Variants in SNAP91 observed in about 807,000 individuals in gnomAD.
The protein encoded by SNAP91 is clathrin coat assembly protein AP180.
In SNAP91, 27 loss-of-function variants were observed where a neutral mutation model predicts 100.3. That is an observed-to-expected ratio of 0.27 (90% confidence interval 0.20 to 0.37). SNAP91 has a LOEUF of 0.37. Among genes scored for constraint, SNAP91 ranks in the 10% least tolerant of loss-of-function variants. SNAP91 has a pLI of 1.00. For missense variants in SNAP91, 986 were observed against 1,123.7 expected (o/e 0.88, Z 1.75); for synonymous variants, 404 against 398.6 (o/e 1.01, Z -0.16).
intron 2 of SNAP91, among the ~76,000 whole-genome samples, chr6:83,690,811 G>T (rs1330557905): frequency 4.0e-5 from 6 of 151,896 alleles, no homozygotes; most frequent in African/African-American, 1.4e-4. Flanking sequence ...GTGTAAGAAA[G>T]GCATATTTTT....
intron 25 of SNAP91, chr6:83,575,577 C>T: frequency 4.6e-6 from 1 of 216,372 alleles, no homozygotes; most frequent in Non-Finnish European, 8.9e-6. Context: ...CGTAAGACAC[C>T]ATCCACTGAA....
intron 25 of SNAP91, 173 bp from the exon 26 acceptor site, chr6:83,575,294 C>A: frequency 1.7e-6 from 1 of 587,284 alleles, no homozygotes; most frequent in Non-Finnish European, 2.9e-6. Context: ...CATGCTGTAA[C>A]TAAGAAAGCT....
chr6:83,611,554 C>T (rs558662550), intron 11 of SNAP91: 7 of 385,910 alleles, frequency 1.8e-5, no homozygotes, highest in Non-Finnish European at 3.6e-5. Flanking sequence ...ACTTTTTACT[C>T]ATCTACAGAG....
chr6:83,640,994 C>G (rs2097676108), intron 8 of SNAP91, 102 bp downstream of exon 8: 1 of 659,234 alleles, frequency 1.5e-6, no homozygotes, highest in Non-Finnish European at 2.4e-6. Flanking sequence ...ACTTCCAACC[C>G]TAATATACTG....
intron 2 of SNAP91, chr6:83,690,235 G>A (rs1424394736): frequency 3.1e-5 from 34 of 1,085,732 alleles, no homozygotes; most frequent in Non-Finnish European, 3.9e-5. Flanking sequence ...ATACTACTAT[G>A]ATGAACAAAT....
intron 16 of SNAP91, among the ~76,000 whole-genome samples, chr6:83,596,306 G>T (rs190706536): frequency 5.3e-5 from 8 of 152,240 alleles, no homozygotes; most frequent in Admixed American, 4.6e-4. Context: ...GATAGAGTAG[G>T]CCTACTTTCT....
intron 26 of SNAP91, 148 bp from the exon 27 acceptor site, chr6:83,561,095 T>C (rs1786769476): frequency 1.7e-6 from 1 of 586,726 alleles, no homozygotes; most frequent in Non-Finnish European, 2.9e-6. Context: ...CAGGCTGGAG[T>C]ACGATGGCAT....
chr6:83,703,137 T>A (rs1489220964), intron 2 of SNAP91, among the ~76,000 whole-genome samples: 1 of 151,152 alleles, frequency 6.6e-6, no homozygotes, highest in African/African-American at 2.4e-5. Flanking sequence ...TATGTTCTGG[T>A]ACAGTAAAGT....
chr6:83,593,578 A>T lies in SNAP91; in HGVS notation c.1596T>A (p.Ala532=). Residue 532 remains alanine, a synonymous_variant, in exon 18 of 30, where the codon GCT becomes GCA. Transcript: ENST00000369694. ...APSPAPAVAA[A]AAATTAATAA... ...CGGTGGCAGCAGTAGTGGCAGCAGCAGCAGCTGCAACGGCAGGAGCAGGAG... is the reference window on the plus strand; with the variant it reads ...CGGTGGCAGCAGTAGTGGCAGCAGCTGCAGCTGCAACGGCAGGAGCAGGAG... 1 of 1,557,950 alleles carries T rather than the reference A, an allele frequency of 6.4e-7. No homozygotes were observed. Among genetic ancestry groups the T allele is most frequent in the Non-Finnish European group, 8.7e-7 (1 of 1,149,166 alleles).
Position 83,658,553 on chromosome 6 carries a change from C to T in SNAP91, c.546+446G>A, listed in dbSNP as rs189334173. ...GAACCCAGGAGGCAGAGCTTGTGAG[C>T]GGAGATCGCGCCACTGCACTCCAGC... On this transcript the variant is annotated intron_variant, in intron 6 of 29. Coordinates refer to ENST00000369694, the MANE Select transcript of SNAP91 (RefSeq NM_001242792.2). Among the ~76,000 whole-genome samples the T allele has an allele frequency of 3.7e-3, 564 of 152,104 alleles. 5 individuals carry two copies. The highest frequency in any genetic ancestry group is 0.013 in the African/African-American group (530 of 41,478).
intron 3 of SNAP91, 96 bp downstream of exon 3, chr6:83,665,343 C>T: frequency 8.4e-6 from 10 of 1,193,936 alleles, no homozygotes; most frequent in African/African-American, 3.1e-5. Context: ...TCTTTTTCTC[C>T]TAATTAGTGA....
chr6:83,680,379 G>C (rs543672356), intron 2 of SNAP91, among the ~76,000 whole-genome samples: 1 of 152,128 alleles, frequency 6.6e-6, no homozygotes, highest in African/African-American at 2.4e-5. Flanking sequence ...CATTCAAGCA[G>C]TAGAAAAAAT....
At chr6:83,633,655 G>A (rs867267979) in intron 8 of SNAP91, among the ~76,000 whole-genome samples, 1 of 152,022 alleles carries the variant, frequency 6.6e-6, no homozygotes, top group East Asian at 1.9e-4. Context: ...TCAGGGAAGT[G>A]GGGGAAAGCC....
At chr6:83,682,940 A>G (rs1346948813) in intron 2 of SNAP91, among the ~76,000 whole-genome samples, 2 of 151,932 alleles carry the variant, frequency 1.3e-5, no homozygotes, top group Admixed American at 6.6e-5. Flanking sequence ...TTGGGACATC[A>G]TTATAACCAG....
chr6:83,591,317 C>T (rs780298228), intron 21 of SNAP91, 23 bp from the exon 22 acceptor site: 26 of 1,529,612 alleles, frequency 1.7e-5, no homozygotes, highest in African/African-American at 4.1e-5. Context: ...CATTGTGCAG[C>T]GGAAAAGTAA....
chr6:83,632,148 T>C (rs2128480129), intron 8 of SNAP91, among the ~76,000 whole-genome samples: 1 of 152,248 alleles, frequency 6.6e-6, no homozygotes, highest in East Asian at 1.9e-4. Flanking sequence ...CTGATAATTG[T>C]TTTATTTGAG....
At chr6:83,556,021 A>C in intron 29 of SNAP91, 122 bp downstream of exon 29, 1 of 436,876 alleles carries the variant, frequency 2.3e-6, no homozygotes, top group East Asian at 3.5e-5. Flanking sequence ...AAGTATAAAC[A>C]CTCAAATTAT....
chr6:83,559,242 G>C (rs1783460581), intron 28 of SNAP91, among the ~76,000 whole-genome samples: 1 of 152,168 alleles, frequency 6.6e-6, no homozygotes, highest in South Asian at 2.1e-4. Context: ...CTTCAGGGAG[G>C]AACAGGGGTT....
At chr6:83,686,828 C>T (rs2099067903) in intron 2 of SNAP91, 1 of 152,176 alleles carries the variant, frequency 6.6e-6, no homozygotes, top group South Asian at 2.1e-4. Context: ...TGAATGCCAA[C>T]TTCTATAAAG....
Sources: gnomAD v4.1 joint callset for allele counts (sites outside exome capture counted in the v4.1 genomes callset) on GRCh38, gnomAD v4.1.1 for gene constraint, MANE v1.5 for transcripts, NCBI Gene and HGNC (gene_info 2026-07-23, HGNC 2026-07-21) for gene names.